The following CNN3 variants were observed in gnomAD, a reference collection of about 807,000 sequenced individuals.
CNN3 encodes the protein calponin-3.
A neutral mutation model predicts 39.0 loss-of-function variants in CNN3; 11 were observed. The ratio of observed to expected loss-of-function variants is 0.28; its 90% CI spans 0.18 to 0.47. The LOEUF (loss-of-function observed/expected upper bound fraction) is 0.47. Among genes scored for constraint, CNN3 ranks in the 20% least tolerant of loss-of-function variants. The pLI, the probability that CNN3 is intolerant of heterozygous loss-of-function variation, is 0.99. For missense variants in CNN3, 266 were observed against 403.4 expected (o/e 0.66, Z 2.92); for synonymous variants, 101 against 138.3 (o/e 0.73, Z 1.89).
At chr1:94,912,278 T>C (rs776887379) in intron 1 of CNN3, among the ~76,000 whole-genome samples, 1 of 152,140 alleles carries the variant, frequency 6.6e-6, no homozygotes. Flanking sequence ...CGAACAAGTA[T>C]AGACACTGGA....
At chr1:94,899,051 C>T (rs2101715166) in intron 6 of CNN3, among the ~76,000 whole-genome samples, 1 of 151,316 alleles carries the variant, frequency 6.6e-6, no homozygotes, top group South Asian at 2.1e-4. Context: ...ATTAAGGGCT[C>T]CTTAAAAAAA....
chr1:94,909,502 A>G (rs1053941702), intron 1 of CNN3, among the ~76,000 whole-genome samples: 1 of 152,202 alleles, frequency 6.6e-6, no homozygotes, highest in Non-Finnish European at 1.5e-5. Flanking sequence ...GGAAGGGCCT[A>G]TCCTTCAGCC....
chr1:94,907,730 G>A (rs900387629), intron 1 of CNN3, among the ~76,000 whole-genome samples: 3 of 152,286 alleles, frequency 2.0e-5, no homozygotes, highest in South Asian at 2.1e-4. Flanking sequence ...TGTGGTGGCG[G>A]GCGCCTGTAG....
chr1:94,904,779 G>C (rs1670954818), intron 1 of CNN3, among the ~76,000 whole-genome samples: 1 of 151,944 alleles, frequency 6.6e-6, no homozygotes, highest in South Asian at 2.1e-4. Flanking sequence ...CCCACAGCTG[G>C]GAAGAAGGAA....
At chr1:94,921,449 A>T (rs909675705) in intron 1 of CNN3, among the ~76,000 whole-genome samples, 2 of 152,138 alleles carry the variant, frequency 1.3e-5, no homozygotes, top group African/African-American at 4.8e-5. Flanking sequence ...CCTGAATACA[A>T]TGCTAATGAT....
chr1:94,903,209 G>T, intron 2 of CNN3, 21 bp from the exon 3 acceptor site: 1 of 1,605,232 alleles, frequency 6.2e-7, no homozygotes, highest in South Asian at 1.1e-5. Flanking sequence ...AAATATGAGA[G>T]ACATCTTATT....
At chr1:94,899,226 T>G (rs1234720683) in intron 6 of CNN3, 145 bp downstream of exon 6, 1 of 859,846 alleles carries the variant, frequency 1.2e-6, no homozygotes, top group East Asian at 3.0e-5. Context: ...AAAGGTCTTT[T>G]GATTATTTTG....
At chr1:94,915,026 G>A (rs1671249289) in intron 1 of CNN3, among the ~76,000 whole-genome samples, 2 of 152,052 alleles carry the variant, frequency 1.3e-5, no homozygotes, top group Admixed American at 1.3e-4. Context: ...TAGGACTATA[G>A]GCATGTGCCA....
At chr1:94,903,674 C>G (rs1409178290) in intron 1 of CNN3, 150 bp from the exon 2 acceptor site, 1 of 1,050,340 alleles carries the variant, frequency 9.5e-7, no homozygotes, top group African/African-American at 1.7e-5. Context: ...CAAACTTAAC[C>G]GTTACAACTT....
At chr1:94,899,186 C>T (rs529925881) in intron 6 of CNN3, among the ~76,000 whole-genome samples, 185 bp downstream of exon 6, 6 of 152,260 alleles carry the variant, frequency 3.9e-5, no homozygotes, top group African/African-American at 9.6e-5. Flanking sequence ...ACAAAAACCA[C>T]GAGACACATC....
At chr1:94,913,402 T>C (rs12403812) in intron 1 of CNN3, among the ~76,000 whole-genome samples, 4,599 of 152,274 alleles carry the variant, frequency 0.03, 110 homozygotes, top group South Asian at 0.051. Flanking sequence ...TTAGAATCCT[T>C]CTTCTACACA....
intron 1 of CNN3, among the ~76,000 whole-genome samples, chr1:94,914,504 C>T (rs1189382596): frequency 6.6e-6 from 1 of 152,146 alleles, no homozygotes; most frequent in Non-Finnish European, 1.5e-5. Context: ...ATCTGCCAAC[C>T]CCAAAACTGA....
Position 94,900,790 on chromosome 1 carries a change from T to C in CNN3, c.501+879A>G, listed in dbSNP as rs537673803. 6.8e-4 allele frequency among the ~76,000 whole-genome samples: 103 copies of C among 152,320 alleles called. 4 individuals carry two copies. The South Asian group carries it at 0.021, about 30-fold the overall frequency. ...AGAAGGAAAACATCTGAACTACGTATTTCAGAAGAATTTAAACTGACAAAT... is the reference window on the plus strand; with the variant it reads ...AGAAGGAAAACATCTGAACTACGTACTTCAGAAGAATTTAAACTGACAAAT... On this transcript the variant is annotated intron_variant, in intron 5 of 6. Transcript: ENST00000370206.
chr1:94,907,618 T>C (rs941246022), intron 1 of CNN3, among the ~76,000 whole-genome samples: 12 of 152,230 alleles, frequency 7.9e-5, no homozygotes, highest in Non-Finnish European at 1.6e-4. Context: ...CCCAGCATTC[T>C]GGGAGGCCAA....
chr1:94,899,244 A>G, intron 6 of CNN3, 127 bp downstream of exon 6: 1 of 1,025,340 alleles, frequency 9.8e-7, no homozygotes, highest in Non-Finnish European at 1.3e-6. Context: ...TTGCTTTCCC[A>G]GCAAAGTCCA....
rs117191453 is a variant in CNN3 at position 94,905,487 on chromosome 1, A to C, written c.58-1963T>G. On this transcript the variant is annotated intron_variant, in intron 1 of 6. Transcript: ENST00000370206. ...GCCAAGGCATGAAGCTTCTGCTTTGACTGAGAGAGGGCAAATGATTTCACT... is the reference window on the plus strand; with the variant it reads ...GCCAAGGCATGAAGCTTCTGCTTTGCCTGAGAGAGGGCAAATGATTTCACT... Among the ~76,000 whole-genome samples, 215 of 152,216 alleles carry C rather than the reference A, an allele frequency of 1.4e-3. 5 individuals carry two copies. The East Asian group carries it at 0.039, about 27-fold the overall frequency.
At chr1:94,911,666 G>A (rs1671169191) in intron 1 of CNN3, among the ~76,000 whole-genome samples, 1 of 152,116 alleles carries the variant, frequency 6.6e-6, no homozygotes, top group Non-Finnish European at 1.5e-5. Context: ...CAACTTGGGA[G>A]GCTGAGGTGG....
rs1557906263 is a variant in CNN3 at position 94,898,059 on chromosome 1, T to C, written c.673A>G (p.Arg225Gly). The C allele has an allele frequency of 1.9e-6, 3 of 1,613,896 alleles. No homozygotes were observed. Among genetic ancestry groups the C allele is most frequent in the Non-Finnish European group, 1.7e-6 (2 of 1,179,842 alleles). Residue 225 changes from arginine to glycine, a missense_variant, in exon 7 of 7, where the codon AGA (arginine) becomes GGA (glycine). Physicochemically the swap from Arg to Gly is moderately radical, Grantham distance 125 (BLOSUM62 -2). Transcript: ENST00000370206. ...AGCTTCTGATCATAGATGTCTCTTC[T>C]GGTACCTGGTGCTAACATCCCTGCC... is the stretch of plus-strand genomic sequence containing the variant. ...SQAGMLAPGT[R>G]RDIYDQKLTL...
intron 6 of CNN3, among the ~76,000 whole-genome samples, chr1:94,899,103 G>A (rs925099361): frequency 1.5e-4 from 23 of 151,946 alleles, no homozygotes; most frequent in African/African-American, 4.8e-4. Context: ...TTGGATTTTG[G>A]AGCAAGAACA....
Sources: allele counts gnomAD v4.1 joint callset (sites outside exome capture counted in the v4.1 genomes callset), GRCh38; gene constraint gnomAD v4.1.1; transcripts MANE v1.5; gene names NCBI Gene and HGNC (gene_info 2026-07-23, HGNC 2026-07-21).